LRRC4C: variants seen among roughly 807,000 people sequenced by gnomAD.
LRRC4C encodes the protein leucine rich repeat containing 4C, also known as leucine-rich repeat-containing protein 4C.
In LRRC4C, 5 loss-of-function variants were observed where a neutral mutation model predicts 33.6. The observed-to-expected ratio is 0.15, with a 90% CI of 0.08 to 0.31. The LOEUF (loss-of-function observed/expected upper bound fraction) is 0.31, where lower values mean the gene tolerates loss of function less well. Ranked by LOEUF, LRRC4C falls within the 10% of genes least tolerant of loss-of-function variation. LRRC4C has a pLI of 1.00. For synonymous variants in LRRC4C, 329 were observed against 302.0 expected (o/e 1.09, Z -0.93); for missense variants, 560 against 796.7 (o/e 0.70, Z 3.58).
intron 3 of LRRC4C, among the ~76,000 whole-genome samples, chr11:40,526,616 G>A (rs1299501442): frequency 4.6e-5 from 7 of 152,114 alleles, no homozygotes; most frequent in African/African-American, 7.2e-5. Flanking sequence ...GGGAGCATAA[G>A]TTGGCATAAG....
At chr11:40,333,156 G>T (rs1481245580) in intron 3 of LRRC4C, among the ~76,000 whole-genome samples, 1 of 151,606 alleles carries the variant, frequency 6.6e-6, no homozygotes, top group Admixed American at 6.6e-5. Context: ...ATTTTTTTTT[G>T]AACTCCTCCT....
Position 40,625,734 on chromosome 11 carries a change from A to G in LRRC4C, c.-270+22408T>C, listed in dbSNP as rs972203630. 2.6e-5 allele frequency among the ~76,000 whole-genome samples: 4 copies of G among 152,192 alleles called. No homozygotes were observed. The South Asian group carries it at 8.3e-4, about 31-fold the overall frequency. On this transcript the variant is annotated intron_variant, in intron 3 of 6. Transcript: ENST00000528697. ...ATTTCCTTGTCTGTTATATTCCAGAAAGGTAAAGTCACTGAGCAAAAAATT... is the reference window on the plus strand; with the variant it reads ...ATTTCCTTGTCTGTTATATTCCAGAGAGGTAAAGTCACTGAGCAAAAAATT...
At chr11:40,141,551 T>C (rs887979056) in intron 5 of LRRC4C, among the ~76,000 whole-genome samples, 1 of 152,186 alleles carries the variant, frequency 6.6e-6, no homozygotes, top group African/African-American at 2.4e-5. Flanking sequence ...CTTGGAAATA[T>C]AGTTGGTACA....
intron 6 of LRRC4C, among the ~76,000 whole-genome samples, chr11:40,125,658 A>G (rs1448995359): frequency 1.3e-5 from 2 of 152,162 alleles, no homozygotes; most frequent in Non-Finnish European, 2.9e-5. Flanking sequence ...TTTCAAAGGA[A>G]ACAAGTTAAG....
intron 3 of LRRC4C, among the ~76,000 whole-genome samples, chr11:40,506,479 A>C (rs1041121900): frequency 6.6e-6 from 1 of 152,214 alleles, no homozygotes; most frequent in African/African-American, 2.4e-5. Context: ...ACTAATGAAT[A>C]AAACTGTAAA....
chr11:41,317,898 A>C (rs540684004), intron 1 of LRRC4C, among the ~76,000 whole-genome samples: 187 of 152,288 alleles, frequency 1.2e-3, no homozygotes, highest in African/African-American at 4.2e-3. Flanking sequence ...AAATAATTAA[A>C]TATGTAAGCA....
At chr11:41,232,036 T>C (rs1424647519) in intron 1 of LRRC4C, among the ~76,000 whole-genome samples, 1 of 151,876 alleles carries the variant, frequency 6.6e-6, no homozygotes, top group Non-Finnish European at 1.5e-5. Flanking sequence ...AATGAAGCTG[T>C]TTTTAGTGTC....
At chr11:41,252,287 C>A (rs760823594) in intron 1 of LRRC4C, among the ~76,000 whole-genome samples, 1 of 152,074 alleles carries the variant, frequency 6.6e-6, no homozygotes, top group East Asian at 1.9e-4. Flanking sequence ...AGACTCCTAC[C>A]TTTTAATAGA....
intron 3 of LRRC4C, among the ~76,000 whole-genome samples, chr11:40,392,338 G>A (rs1461395882): frequency 2.6e-5 from 4 of 151,932 alleles, no homozygotes; most frequent in African/African-American, 9.7e-5. Flanking sequence ...TATCAATATT[G>A]GTTTGTCAAT....
At chr11:41,259,100 A>C (rs189616366) in intron 1 of LRRC4C, among the ~76,000 whole-genome samples, 1 of 152,094 alleles carries the variant, frequency 6.6e-6, no homozygotes, top group East Asian at 1.9e-4. Context: ...GCACAACTTT[A>C]ATCAGTAACA....
chr11:40,450,180 G>A lies in LRRC4C; in HGVS notation c.-269-130459C>T, dbSNP rs527620052. On this transcript the variant is annotated intron_variant, in intron 3 of 6. Coordinates refer to ENST00000528697, the MANE Select transcript of LRRC4C (RefSeq NM_001258419.2). ...CTCACTAAATATGCCCTTCCCTCCC[G>A]CATCTCCTCTTGTCAATATTTATGT... 4.6e-5 allele frequency among the ~76,000 whole-genome samples: 7 copies of A among 152,164 alleles called. No individual in the cohort carries two copies. In the East Asian group the frequency reaches 7.7e-4, roughly 17 times the overall value.
At chr11:41,222,710 G>A (rs1947359413) in intron 1 of LRRC4C, 1 of 151,354 alleles carries the variant, frequency 6.6e-6, no homozygotes, top group Non-Finnish European at 1.5e-5. Context: ...CAGCTTATAA[G>A]CCCCACATCT....
intron 1 of LRRC4C, among the ~76,000 whole-genome samples, chr11:41,141,798 A>G (rs1022256270): frequency 1.3e-5 from 2 of 152,132 alleles, no homozygotes; most frequent in African/African-American, 4.8e-5. Flanking sequence ...TTATAAATTA[A>G]CCAATCTCGG....
intron 2 of LRRC4C, among the ~76,000 whole-genome samples, chr11:40,826,112 GAACT>G (rs1474594805): frequency 2.0e-5 from 3 of 151,838 alleles, no homozygotes; most frequent in Non-Finnish European, 2.9e-5. Context: ...CTTCCACATA[GAACT>G]AACTGCTTGT....
intron 3 of LRRC4C, among the ~76,000 whole-genome samples, chr11:40,323,461 A>G (rs890589193): frequency 6.6e-6 from 1 of 152,204 alleles, no homozygotes; most frequent in Non-Finnish European, 1.5e-5. Flanking sequence ...TCACCTTCAT[A>G]GTTTCATAAA....
At chr11:40,456,273 A>G (rs1372422945) in intron 3 of LRRC4C, among the ~76,000 whole-genome samples, 7 of 152,120 alleles carry the variant, frequency 4.6e-5, no homozygotes, top group Admixed American at 4.6e-4. Context: ...AATTAAATTT[A>G]TCTATATGTA....
At chr11:41,057,830 T>C (rs530877611) in intron 1 of LRRC4C, among the ~76,000 whole-genome samples, 24 of 152,134 alleles carry the variant, frequency 1.6e-4, no homozygotes, top group Non-Finnish European at 2.2e-4. Context: ...CCGTCTCTGC[T>C]CTGCTGATAG....
In LRRC4C at chr11:41,186,065, A is replaced by G. The variant is rs368612128; in HGVS notation, c.-495-252342T>C. Among the ~76,000 whole-genome samples the G allele has an allele frequency of 5.3e-5, 8 of 152,150 alleles. No homozygotes were observed. In the East Asian group the frequency reaches 1.2e-3, roughly 22 times the overall value. ...AAAAATGTCCAGCCTTGATAATTATAAAAGATAGATAAATGACATGAATGT... is the reference window on the plus strand; with the variant it reads ...AAAAATGTCCAGCCTTGATAATTATGAAAGATAGATAAATGACATGAATGT... On this transcript the variant is annotated intron_variant, in intron 1 of 6. Coordinates refer to ENST00000528697, the MANE Select transcript of LRRC4C (RefSeq NM_001258419.2).
At chr11:40,298,523 T>C (rs1279509310) in intron 4 of LRRC4C, among the ~76,000 whole-genome samples, 2 of 151,206 alleles carry the variant, frequency 1.3e-5, no homozygotes, top group Admixed American at 1.3e-4. Flanking sequence ...AAGCAGAAGA[T>C]CATGAGTACC....
Sources: allele counts gnomAD v4.1 joint callset (sites outside exome capture counted in the v4.1 genomes callset), GRCh38; gene constraint gnomAD v4.1.1; transcripts MANE v1.5; gene names NCBI Gene and HGNC (gene_info 2026-07-23, HGNC 2026-07-21).